CCSER1: variants seen among roughly 807,000 people sequenced by gnomAD.
The protein encoded by CCSER1 is coiled-coil serine rich protein 1.
Under a neutral mutation model 82.0 loss-of-function variants are expected in CCSER1, and 41 were observed. That is an observed-to-expected ratio of 0.50 (90% CI 0.39 to 0.65). CCSER1 has a LOEUF of 0.65. Ranked by LOEUF, CCSER1 falls within the 30% of genes least tolerant of loss-of-function variation. The pLI, the probability that CCSER1 is intolerant of heterozygous loss-of-function variation, is 0.00. For synonymous variants in CCSER1, 414 were observed against 383.9 expected, an observed-to-expected ratio of 1.08 and a Z score of -0.92; for missense variants, 1,119 against 1,064.2, an observed-to-expected ratio of 1.05 and a Z score of -0.72.
intron 10 of CCSER1, among the ~76,000 whole-genome samples, chr4:91,538,702 T>TATTATGTATATATATATATTATATATATA (rs1211686513): frequency 1.4e-5 from 2 of 145,560 alleles, no homozygotes; most frequent in African/African-American, 5.1e-5. Flanking sequence ...TATACACATA[T>TATTATGTATATATATATATTATATATATA]ATATATATAA....
At chr4:90,414,746 C>G (rs1428694392) in intron 4 of CCSER1, among the ~76,000 whole-genome samples, 1 of 152,018 alleles carries the variant, frequency 6.6e-6, no homozygotes, top group Non-Finnish European at 1.5e-5. Context: ...ATTTCAAAGA[C>G]TTGACCTTGA....
At chr4:90,969,117 TA>T (rs542619998) in intron 9 of CCSER1, among the ~76,000 whole-genome samples, 108 of 150,994 alleles carry the variant, frequency 7.2e-4, no homozygotes, top group Admixed American at 6.7e-3. Flanking sequence ...TCAGAGGATA[TA>T]AAAAAAGAAC....
At chr4:90,502,748 A>G (rs116582845) in intron 5 of CCSER1, among the ~76,000 whole-genome samples, 1,582 of 152,288 alleles carry the variant, frequency 0.01, 26 homozygotes, top group Non-Finnish European at 0.014. Context: ...TATCTTGGAT[A>G]TTTATTTTTA....
chr4:90,227,150 C>G (rs376843553), intron 1 of CCSER1, among the ~76,000 whole-genome samples: 2 of 152,178 alleles, frequency 1.3e-5, no homozygotes, highest in South Asian at 2.1e-4. Context: ...ACTTCTAACT[C>G]TGGCTCAGCA....
At chr4:90,736,031 G>A (rs1251399633) in intron 7 of CCSER1, among the ~76,000 whole-genome samples, 1 of 151,948 alleles carries the variant, frequency 6.6e-6, no homozygotes, top group African/African-American at 2.4e-5. Context: ...TCATTGTGTT[G>A]TTGATTTTTC....
chr4:90,613,540 T>G (rs1191703558), intron 5 of CCSER1, among the ~76,000 whole-genome samples: 2 of 152,184 alleles, frequency 1.3e-5, no homozygotes, highest in African/African-American at 4.8e-5. Flanking sequence ...CTACTAAAGA[T>G]TCACACTTCT....
rs572268311 is a variant in CCSER1, at chr4:91,465,715, C to G, written c.2218-132857C>G. 6.6e-5 allele frequency among the ~76,000 whole-genome samples: 10 copies of G among 152,278 alleles called. No homozygotes were observed. In the South Asian group the frequency reaches 2.1e-3, roughly 32 times the overall value. ...AAATACAAACTACCATCAGAGAATACTATAAACACCTCTATACAAATAAAC... is the reference window on the plus strand; with the variant it reads ...AAATACAAACTACCATCAGAGAATAGTATAAACACCTCTATACAAATAAAC... On this transcript the variant is annotated intron_variant, in intron 10 of 10. Transcript: ENST00000509176.
chr4:91,117,225 C>T (rs898384387), intron 10 of CCSER1, among the ~76,000 whole-genome samples: 1 of 152,166 alleles, frequency 6.6e-6, no homozygotes, highest in Non-Finnish European at 1.5e-5. Context: ...AGCCTTGAGG[C>T]TTAGCAGGAC....
At chr4:90,452,801 G>A (rs1188410709) in intron 4 of CCSER1, among the ~76,000 whole-genome samples, 1 of 152,166 alleles carries the variant, frequency 6.6e-6, no homozygotes, top group Non-Finnish European at 1.5e-5. Flanking sequence ...GCCCAAGAAT[G>A]CCTCAGTTGC....
chr4:90,950,838 C>T (rs1295698999), intron 9 of CCSER1, among the ~76,000 whole-genome samples: 3 of 152,070 alleles, frequency 2.0e-5, no homozygotes, highest in Non-Finnish European at 4.4e-5. Flanking sequence ...ATGCTATTCC[C>T]GTGCTCTCTT....
At chr4:90,549,047 T>C (rs1323551889) in intron 5 of CCSER1, among the ~76,000 whole-genome samples, 1 of 152,136 alleles carries the variant, frequency 6.6e-6, no homozygotes, top group Non-Finnish European at 1.5e-5. Flanking sequence ...ATGACCCCAC[T>C]GTAATTGTAC....
At chr4:90,669,395 T>A (rs1732386339) in intron 6 of CCSER1, among the ~76,000 whole-genome samples, 1 of 152,078 alleles carries the variant, frequency 6.6e-6, no homozygotes, top group Admixed American at 6.6e-5. Flanking sequence ...AACCTGTTTA[T>A]AGGAAAGAAG....
At chr4:91,517,265 T>C (rs1760179830) in intron 10 of CCSER1, among the ~76,000 whole-genome samples, 1 of 152,174 alleles carries the variant, frequency 6.6e-6, no homozygotes, top group African/African-American at 2.4e-5. Context: ...GGCATCTTTG[T>C]GTTGTGCAAG....
intron 1 of CCSER1, among the ~76,000 whole-genome samples, chr4:90,174,599 A>G (rs1390724836): frequency 6.6e-6 from 1 of 152,026 alleles, no homozygotes; most frequent in Non-Finnish European, 1.5e-5. Context: ...AGACTACAGC[A>G]GCAAGAAATT....
At chr4:90,393,873 G>A (rs1190673715) in intron 3 of CCSER1, among the ~76,000 whole-genome samples, 6 of 148,342 alleles carry the variant, frequency 4.0e-5, no homozygotes, top group Admixed American at 2.0e-4. Context: ...CCAAGTCCTG[G>A]GCTCAAGCAG....
intron 10 of CCSER1, among the ~76,000 whole-genome samples, chr4:91,550,410 TG>T (rs1762107414): frequency 6.6e-6 from 1 of 152,190 alleles, no homozygotes; most frequent in Non-Finnish European, 1.5e-5. Context: ...ATTTTCCTAT[TG>T]CTTCCCATGG....
chr4:90,731,266 A>G (rs1744677697), intron 7 of CCSER1, among the ~76,000 whole-genome samples: 1 of 152,158 alleles, frequency 6.6e-6, no homozygotes, highest in Non-Finnish European at 1.5e-5. Flanking sequence ...TAACTTTCTG[A>G]TGTTACAAAT....
chr4:90,811,916 C>T (rs887451976), intron 7 of CCSER1, among the ~76,000 whole-genome samples: 2,195 of 37,774 alleles, frequency 0.058, 52 homozygotes, highest in African/African-American at 0.13. Context: ...TATATACACA[C>T]ACACACACAC....
intron 10 of CCSER1, among the ~76,000 whole-genome samples, chr4:91,595,540 G>T (rs1347437207): frequency 6.6e-6 from 1 of 152,166 alleles, no homozygotes; most frequent in Admixed American, 6.6e-5. Flanking sequence ...GATTATTGTT[G>T]TGATTAAGGT....
Sources: gnomAD v4.1 joint callset for allele counts (sites outside exome capture counted in the v4.1 genomes callset) on GRCh38, gnomAD v4.1.1 for gene constraint, MANE v1.5 for transcripts, NCBI Gene and HGNC (gene_info 2026-07-23, HGNC 2026-07-21) for gene names.